KIAA1328: variants seen among roughly 807,000 people sequenced by gnomAD.
KIAA1328 encodes the protein KIAA1328.
A neutral mutation model predicts 68.1 loss-of-function variants in KIAA1328; 52 were observed. That is an observed-to-expected ratio of 0.76 (90% confidence interval 0.61 to 0.96). The LOEUF (loss-of-function observed/expected upper bound fraction) is 0.96, where lower values mean the gene tolerates loss of function less well. Ranked by LOEUF, KIAA1328 falls within the 40% of genes least tolerant of loss-of-function variation. KIAA1328 has a pLI of 0.00. For missense variants in KIAA1328, 641 were observed against 677.6 expected, an observed-to-expected ratio of 0.95 and a Z score of 0.60; for synonymous variants, 232 against 239.4, an observed-to-expected ratio of 0.97 and a Z score of 0.28.
intron 4 of KIAA1328, among the ~76,000 whole-genome samples, chr18:36,869,077 G>T (rs2047497052): frequency 6.8e-6 from 1 of 148,116 alleles, no homozygotes. Flanking sequence ...CCCACCAGAA[G>T]CCTTTATGGA....
intron 5 of KIAA1328, among the ~76,000 whole-genome samples, chr18:36,905,946 A>C (rs370981631): frequency 9.9e-5 from 15 of 152,254 alleles, no homozygotes; most frequent in Admixed American, 9.8e-4. Flanking sequence ...TCTGCCATCT[A>C]TTTAATTGCT....
intron 5 of KIAA1328, among the ~76,000 whole-genome samples, chr18:36,890,226 CT>C (rs564856190): frequency 0.14 from 19,472 of 140,116 alleles, 1,594 homozygotes; most frequent in Non-Finnish European, 0.19. Context: ...CTTTCTTCTT[CT>C]TTTTTTTTTT....
Position 37,222,819 on chromosome 18 carries a change from C to A in KIAA1328, c.*592C>A. On this transcript the variant is annotated 3_prime_UTR_variant, in exon 10 of 10. Transcript: ENST00000280020. ...AGTAGCCATCAGCCTGGCAGCTGCC[C>A]ATCCCATAACCAAAGAGCTCAATGG... 1.0e-6 allele frequency: 1 copy of A among 991,580 alleles called. No individual in the cohort carries two copies. Among genetic ancestry groups the A allele is most frequent in the Non-Finnish European group, 1.2e-6 (1 of 834,190 alleles). The allele number at this position is 991,580 out of a possible 1,614,324, so 61.4% of individuals were successfully genotyped here.
chr18:36,972,789 C>T (rs771900206), intron 6 of KIAA1328, among the ~76,000 whole-genome samples: 1 of 152,182 alleles, frequency 6.6e-6, no homozygotes, highest in East Asian at 1.9e-4. Flanking sequence ...CTCTTCCTCC[C>T]CTCTGGAGTA....
At chr18:37,008,201 G>A (rs1003203473) in intron 6 of KIAA1328, among the ~76,000 whole-genome samples, 50 of 152,342 alleles carry the variant, frequency 3.3e-4, no homozygotes, top group Non-Finnish European at 4.9e-4. Context: ...GAGTATGGGG[G>A]AAGTGTCAGA....
intron 7 of KIAA1328, among the ~76,000 whole-genome samples, chr18:37,103,632 A>G (rs937786958): frequency 1.3e-5 from 2 of 152,236 alleles, no homozygotes; most frequent in African/African-American, 4.8e-5. Flanking sequence ...ATCACAGACA[A>G]CAAAATAAAA....
chr18:37,157,807 C>CAAAAA (rs542590805), intron 7 of KIAA1328, among the ~76,000 whole-genome samples: 3 of 55,384 alleles, frequency 5.4e-5, no homozygotes, highest in Admixed American at 2.3e-4. Context: ...GACTCCTCTC[C>CAAAAA]AAAAAAAAAA....
chr18:37,164,446 C>G (rs1021212171), intron 8 of KIAA1328, among the ~76,000 whole-genome samples: 2 of 152,114 alleles, frequency 1.3e-5, no homozygotes, highest in African/African-American at 4.8e-5. Flanking sequence ...GTAGAGTGGG[C>G]TCTTAAAAAT....
At chr18:37,193,781 A>G (rs778969885) in intron 9 of KIAA1328, 7 of 615,930 alleles carry the variant, frequency 1.1e-5, no homozygotes, top group African/African-American at 1.8e-5. Flanking sequence ...ATTTTAAAAG[A>G]ACAAATTCAT....
chr18:36,940,556 A>G (rs2050669772), intron 5 of KIAA1328, among the ~76,000 whole-genome samples: 1 of 152,116 alleles, frequency 6.6e-6, no homozygotes, highest in African/African-American at 2.4e-5. Context: ...AAGGCTATGA[A>G]TTCTTGAAGT....
chr18:37,204,185 A>G (rs1189068633), intron 9 of KIAA1328, among the ~76,000 whole-genome samples: 1 of 152,226 alleles, frequency 6.6e-6, no homozygotes, highest in African/African-American at 2.4e-5. Context: ...CCAGAGAAGC[A>G]AGAGTTTTAT....
At chr18:36,868,782 G>C (rs1052381039) in intron 4 of KIAA1328, among the ~76,000 whole-genome samples, 1 of 152,070 alleles carries the variant, frequency 6.6e-6, no homozygotes, top group African/African-American at 2.4e-5. Context: ...TTGAGGACAT[G>C]GTTCTTTTTT....
At position 37,067,524 on chromosome 18, in the gene KIAA1328, A is replaced by C. The variant is rs1198519960; in HGVS notation, c.1211A>C (p.Gln404Pro). Residue 404 changes from glutamine to proline, a missense_variant, in exon 7 of 10, where the codon CAG (glutamine) becomes CCG (proline). Gln to Pro is a moderately conservative substitution (Grantham distance 76). Transcript: ENST00000280020. ...CTTCTAAAACAGCAGCAGCTTCACC[A>C]GTCTCGACTGGATTACAATTGGTGA... ...KLLLKQQQLH[Q>P]SRLDYNCLLK... 2 of 1,533,168 alleles carry C rather than the reference A, an allele frequency of 1.3e-6. No homozygotes were observed. The highest frequency in any genetic ancestry group is 2.8e-5 in the African/African-American group (2 of 72,482). The allele number at this position is 1,533,168 out of a possible 1,614,324, so 95.0% of individuals were successfully genotyped here.
chr18:37,067,911 ATTG>A (rs768199522), intron 7 of KIAA1328, among the ~76,000 whole-genome samples: 33 of 152,084 alleles, frequency 2.2e-4, no homozygotes, highest in Non-Finnish European at 3.8e-4. Flanking sequence ...ACAGTGTAAA[ATTG>A]TTGTAATACT....
intron 4 of KIAA1328, among the ~76,000 whole-genome samples, chr18:36,845,169 G>A (rs948835252): frequency 5.9e-5 from 9 of 151,728 alleles, no homozygotes; most frequent in Non-Finnish European, 8.9e-5. Context: ...CCAGAATACA[G>A]GGTGTGAGAA....
intron 9 of KIAA1328, among the ~76,000 whole-genome samples, chr18:37,208,491 C>T (rs947934438): frequency 6.6e-5 from 10 of 151,978 alleles, no homozygotes; most frequent in African/African-American, 1.9e-4. Context: ...AAATTGGAGG[C>T]GAATATTGTG....
intron 5 of KIAA1328, among the ~76,000 whole-genome samples, chr18:36,952,381 C>T (rs1236284259): frequency 6.6e-6 from 1 of 152,144 alleles, no homozygotes; most frequent in Non-Finnish European, 1.5e-5. Context: ...TTGTTTAAAT[C>T]TCTCCCTCTC....
intron 5 of KIAA1328, among the ~76,000 whole-genome samples, chr18:36,928,714 G>A (rs2050210911): frequency 6.6e-6 from 1 of 152,182 alleles, no homozygotes; most frequent in African/African-American, 2.4e-5. Flanking sequence ...GCACGCATGT[G>A]CACACATGCA....
chr18:37,104,368 T>A (rs757323318), intron 7 of KIAA1328, among the ~76,000 whole-genome samples: 5 of 152,130 alleles, frequency 3.3e-5, no homozygotes, highest in Non-Finnish European at 7.3e-5. Flanking sequence ...TGCAGCAACA[T>A]GGATGGAACT....
Sources: allele counts gnomAD v4.1 joint callset (sites outside exome capture counted in the v4.1 genomes callset), GRCh38; gene constraint gnomAD v4.1.1; transcripts MANE v1.5; gene names NCBI Gene and HGNC (gene_info 2026-07-23, HGNC 2026-07-21).